Variants in BRF1 observed in about 807,000 individuals in gnomAD.
BRF1 encodes the protein BRF1 general transcription factor IIIB subunit.
BRF1 carries 59 observed loss-of-function variants against 81.7 expected under a neutral mutation model. The observed-to-expected ratio is 0.72, with a 90% CI of 0.59 to 0.90. The LOEUF (loss-of-function observed/expected upper bound fraction) is 0.90. BRF1 is among the 40% of genes least tolerant of loss of function. The pLI, the probability that BRF1 is intolerant of heterozygous loss-of-function variation, is 0.00. For synonymous variants in BRF1, 491 were observed against 395.6 expected (o/e 1.24, Z -2.86); for missense variants, 1,050 against 936.3 (o/e 1.12, Z -1.58).
rs1892311328 is a variant in BRF1 at position 105,221,726 on chromosome 14, C to T, written c.1237G>A (p.Asp413Asn). The T allele has an allele frequency of 6.2e-7, 1 of 1,610,342 alleles. No homozygotes were observed. Among genetic ancestry groups the T allele is most frequent in the African/African-American group, 1.3e-5 (1 of 74,786 alleles). Residue 413 changes from aspartate (D) to asparagine (N), a missense_variant, in exon 11 of 18, where the codon GAC (aspartate) becomes AAC (asparagine). Around this residue, in one of 2 missense-constraint regions of BRF1, gnomAD observed 1,043 missense variants for 915.4 expected, o/e 1.14. Coordinates refer to ENST00000547530, the MANE Select transcript of BRF1 (RefSeq NM_001519.4). ...AGGCTGGCTGCAGTGGGGAGGGGGT[C>T]CAGCAGGGACCCCAGGGCCGGAGGT... ...GRPPALGSLL[D>N]PLPTAASLGI...
At chr14:105,267,389 G>A (rs1045517920) in intron 3 of BRF1, among the ~76,000 whole-genome samples, 9 of 151,308 alleles carry the variant, frequency 5.9e-5, no homozygotes, top group East Asian at 5.9e-4. Context: ...CTGCAGCCTC[G>A]ACCTCCTGGG....
chr14:105,308,895 G>A (rs1046212556), intron 1 of BRF1, among the ~76,000 whole-genome samples: 2 of 152,016 alleles, frequency 1.3e-5, no homozygotes, highest in African/African-American at 2.4e-5. Context: ...GATGGTTTGA[G>A]TCCAGGAGAT....
chr14:105,262,424 CAGTGGGTCATT>C (rs1450882909), intron 3 of BRF1, among the ~76,000 whole-genome samples: 8 of 152,292 alleles, frequency 5.3e-5, no homozygotes, highest in East Asian at 1.9e-4. Context: ...AGGGAAGAGC[CAGTGGGTCATT>C]GCTGGGCCTT....
intron 1 of BRF1, among the ~76,000 whole-genome samples, chr14:105,289,720 C>T (rs1011041050): frequency 6.6e-6 from 1 of 152,210 alleles, no homozygotes; most frequent in Non-Finnish European, 1.5e-5. Flanking sequence ...ACTGCAACCT[C>T]CGCCTCCCGG....
chr14:105,254,240 G>A (rs1438981557), intron 4 of BRF1, among the ~76,000 whole-genome samples: 2 of 152,170 alleles, frequency 1.3e-5, no homozygotes, highest in Non-Finnish European at 2.9e-5. Flanking sequence ...TGTGCAAAAC[G>A]CGTGCAGTTT....
chr14:105,268,105 CCAT>C (rs1480748038), intron 3 of BRF1, among the ~76,000 whole-genome samples: 3 of 152,266 alleles, frequency 2.0e-5, no homozygotes, highest in African/African-American at 7.2e-5. Context: ...CAGCCTGTCA[CCAT>C]CCCAAGATGC....
At chr14:105,275,077 G>A (rs2056825614) in intron 2 of BRF1, among the ~76,000 whole-genome samples, 1 of 152,236 alleles carries the variant, frequency 6.6e-6, no homozygotes, top group South Asian at 2.1e-4. Flanking sequence ...TATTTGATAA[G>A]GGCACATGAG....
rs587672164 is a variant in BRF1, at chr14:105,243,642, G to A, written c.545-2228C>T. On this transcript the variant is annotated intron_variant, in intron 5 of 17. Coordinates refer to ENST00000547530, the MANE Select transcript of BRF1 (RefSeq NM_001519.4). ...GAGAAAGAAAAAGATGTACTAATGTGGGTGAGACTTTGATGCTCATTAATT... is the reference window on the plus strand; with the variant it reads ...GAGAAAGAAAAAGATGTACTAATGTAGGTGAGACTTTGATGCTCATTAATT... Among the ~76,000 whole-genome samples, 127 of 151,924 alleles carry A rather than the reference G, an allele frequency of 8.4e-4. 2 individuals carry two copies. Among genetic ancestry groups the A allele is most frequent in the Admixed American group, 2.2e-3 (33 of 15,214 alleles).
intron 1 of BRF1, among the ~76,000 whole-genome samples, chr14:105,311,035 C>T (rs587627171): frequency 1.9e-4 from 29 of 152,284 alleles, no homozygotes; most frequent in African/African-American, 6.5e-4. Context: ...TCAATGGAAC[C>T]TCTGCCTGCT....
In BRF1 at chr14:105,286,276, G is replaced by A. The variant is rs777614998; in HGVS notation, c.265+20C>T. ...TCTGGGACCCGCCGCACGCTCAGCA[G>A]CATCCGCGGTGGGAAATACCATTCT... is the stretch of plus-strand genomic sequence containing the variant. On this transcript the variant is annotated intron_variant, in intron 2 of 17. Coordinates refer to ENST00000547530, the MANE Select transcript of BRF1 (RefSeq NM_001519.4). 2.3e-5 allele frequency: 37 copies of A among 1,607,622 alleles called. No individual in the cohort carries two copies. Among genetic ancestry groups the A allele is most frequent in the Non-Finnish European group, 2.7e-5 (32 of 1,177,186 alleles).
At chr14:105,259,610 C>T (rs138129716) in intron 3 of BRF1, among the ~76,000 whole-genome samples, 1 of 152,146 alleles carries the variant, frequency 6.6e-6, no homozygotes, top group South Asian at 2.1e-4. Context: ...ACACCATGGG[C>T]GCCTCTCAAA....
At chr14:105,249,348 T>C in intron 5 of BRF1, 20 of 1,608,452 alleles carry the variant, frequency 1.2e-5, no homozygotes, top group Non-Finnish European at 1.7e-5. Flanking sequence ...CGGCGGCGCT[T>C]TCTCCTCCCA....
rs1049408292 is a variant in BRF1 at position 105,210,358 on chromosome 14, C to T, written c.*193G>A. 2.5e-5 allele frequency: 16 copies of T among 632,818 alleles called. No individual in the cohort carries two copies. The highest frequency in any genetic ancestry group is 1.5e-4 in the African/African-American group (8 of 54,484). 39.2% of individuals were successfully genotyped at this position (632,818 alleles called of 1,614,324 possible). On this transcript the variant is annotated 3_prime_UTR_variant, in exon 18 of 18. Coordinates refer to ENST00000547530, the MANE Select transcript of BRF1 (RefSeq NM_001519.4). This position sits in a 1 kb window ranked among gnomAD's most constrained non-coding sequence, Gnocchi z 4.7. Reference sequence around the variant, plus strand: ...ATCACACACATGCAGACGCTTGGTCCGGTTTCCCTTGCTGAATAGAAACAC... The same window carrying T: ...ATCACACACATGCAGACGCTTGGTCTGGTTTCCCTTGCTGAATAGAAACAC...
chr14:105,241,091 G>T (rs1369027382), intron 6 of BRF1, among the ~76,000 whole-genome samples, 174 bp downstream of exon 6: 5 of 152,246 alleles, frequency 3.3e-5, no homozygotes, highest in Admixed American at 1.3e-4. Context: ...GCAGCCAGGA[G>T]GTCCTGGAGG....
At chr14:105,297,157 CA>C (rs1421685530) in intron 1 of BRF1, among the ~76,000 whole-genome samples, 15 of 150,606 alleles carry the variant, frequency 1.0e-4, no homozygotes, top group East Asian at 1.9e-4. Context: ...GACTCCATCT[CA>C]AAAAAAAAGT....
chr14:105,291,724 G>T (rs1313854358), intron 1 of BRF1, among the ~76,000 whole-genome samples: 1 of 151,670 alleles, frequency 6.6e-6, no homozygotes. Context: ...CTGGCCGGGC[G>T]TGGTGGCTCA....
intron 2 of BRF1, among the ~76,000 whole-genome samples, chr14:105,278,431 TC>T (rs2056933506): frequency 7.6e-6 from 1 of 130,896 alleles, no homozygotes; most frequent in South Asian, 2.5e-4. Context: ...CGAGACCCTG[TC>T]TCCAAAAAAA....
intron 15 of BRF1, among the ~76,000 whole-genome samples, chr14:105,214,104 G>A (rs185486538): frequency 6.6e-5 from 10 of 152,318 alleles, no homozygotes; most frequent in Admixed American, 3.3e-4. Flanking sequence ...TCGCAGCCGC[G>A]CCAGCACCTG....
rs78716374 is a variant in BRF1 at position 105,228,255 on chromosome 14, C to T, written c.788+565G>A. The stretch of plus-strand genomic sequence containing the variant: ...TAGGGCAACTTTACACATCACCCTC[C>T]GCCTCAACTTAGAAACACGGGGCGC... On this transcript the variant is annotated intron_variant, in intron 7 of 17. Coordinates refer to ENST00000547530, the MANE Select transcript of BRF1 (RefSeq NM_001519.4). 1,519 of 152,638 alleles carry T rather than the reference C, an allele frequency of 1.0e-2. 51 individuals are homozygous for T. The highest frequency in any genetic ancestry group is 0.064 in the Admixed American group (977 of 15,334). The allele number at this position is 152,638 out of a possible 1,614,324, so 9.5% of individuals were successfully genotyped here. A position where few individuals can be genotyped will look rare whatever the true frequency, so the allele number is the denominator to read the frequency against.
Sources: gnomAD v4.1 joint callset for allele counts (sites outside exome capture counted in the v4.1 genomes callset) on GRCh38, gnomAD v4.1.1 for gene constraint, gnomAD v4.1.1 regional missense constraint, Gnocchi (gnomAD v3.1) non-coding constraint, MANE v1.5 for transcripts, NCBI Gene and HGNC (gene_info 2026-07-23, HGNC 2026-07-21) for gene names.